Variants in LDHC observed in about 807,000 individuals in gnomAD.
LDHC encodes lactate dehydrogenase C.
In LDHC, 20 loss-of-function variants were observed where a neutral mutation model predicts 30.2. The observed-to-expected ratio is 0.66, with a 90% confidence interval of 0.47 to 0.96. The LOEUF (loss-of-function observed/expected upper bound fraction) is 0.96, where lower values mean the gene tolerates loss of function less well. Among genes scored for constraint, LDHC ranks in the 40% least tolerant of loss-of-function variants. The pLI is 0.00. For missense variants in LDHC, 362 were observed against 394.9 expected (o/e 0.92, Z 0.71); for synonymous variants, 139 against 132.7 (o/e 1.05, Z -0.32).
intron 2 of LDHC, among the ~76,000 whole-genome samples, chr11:18,413,271 T>TG (rs919912225): frequency 6.6e-6 from 1 of 151,164 alleles, no homozygotes; most frequent in African/African-American, 2.4e-5. Flanking sequence ...TTAGTAGAGA[T>TG]GGGGTTTCTC....
intron 3 of LDHC, among the ~76,000 whole-genome samples, chr11:18,423,390 G>A (rs919021006): frequency 1.3e-5 from 2 of 152,156 alleles, no homozygotes; most frequent in African/African-American, 4.8e-5. Context: ...CACTAATTAT[G>A]TGCAGAGACT....
At position 18,446,297 on chromosome 11, in the gene LDHC, T is replaced by A. The variant is rs745865996; in HGVS notation, c.798T>A (p.Asn266Lys). 4 of 1,608,340 alleles carry A rather than the reference T, an allele frequency of 2.5e-6. No individual in the cohort carries two copies. The East Asian group carries it at 6.7e-5, about 27-fold the overall frequency. Residue 266 changes from asparagine to lysine, a missense_variant, in exon 7 of 8, where the codon AAT becomes AAA. Coordinates refer to ENST00000541669, the MANE Select transcript of LDHC (RefSeq NM_017448.5). ...VMDLVGSILK[N>K]LRRVHPVSTM... The stretch of plus-strand genomic sequence containing the variant: ...ATTTGGTAGGATCCATTTTGAAAAA[T>A]CTTAGGAGAGTGCACCCAGTTTCCA...
intron 4 of LDHC, 106 bp from the exon 5 acceptor site, chr11:18,434,634 A>G (rs2721126): frequency 0.89 from 599,514 of 673,696 alleles, 267,036 homozygotes; most frequent in East Asian, 0.95. Flanking sequence ...TCACTTTGTA[A>G]TAAATCTGTA....
intron 4 of LDHC, among the ~76,000 whole-genome samples, chr11:18,432,103 G>T (rs541953799): frequency 6.6e-6 from 1 of 152,180 alleles, no homozygotes; most frequent in South Asian, 2.1e-4. Flanking sequence ...GGCATTTAGG[G>T]CTATGAACTT....
chr11:18,444,645 T>TATATATATATATATAC (rs1848523907), intron 6 of LDHC, among the ~76,000 whole-genome samples: 1 of 120,542 alleles, frequency 8.3e-6, no homozygotes, highest in African/African-American at 3.1e-5. Flanking sequence ...TATATATATA[T>TATATATATATATATAC]ATATGCCTTA....
intron 6 of LDHC, among the ~76,000 whole-genome samples, chr11:18,444,610 A>G (rs1257266072): frequency 2.2e-4 from 6 of 27,786 alleles, no homozygotes; most frequent in African/African-American, 1.5e-3. Flanking sequence ...GGTGGTATAT[A>G]TATATATATA....
At chr11:18,443,460 CTTTTT>C (rs34546967) in intron 6 of LDHC, among the ~76,000 whole-genome samples, 9 of 135,754 alleles carry the variant, frequency 6.6e-5, no homozygotes, top group Non-Finnish European at 1.1e-4. Context: ...TTCTTTCTTT[CTTTTT>C]TTTTTTTTTT....
intron 3 of LDHC, among the ~76,000 whole-genome samples, chr11:18,418,239 C>T (rs931436418): frequency 3.4e-5 from 5 of 147,532 alleles, no homozygotes; most frequent in African/African-American, 1.3e-4. Flanking sequence ...ATAATAAATA[C>T]ATAATTATAT....
intron 4 of LDHC, among the ~76,000 whole-genome samples, chr11:18,432,495 G>A (rs1483029527): frequency 2.0e-5 from 3 of 152,202 alleles, no homozygotes; most frequent in African/African-American, 7.2e-5. Context: ...CCAAGGTATA[G>A]TTTAAATTCA....
At chr11:18,414,886 T>C (rs942118115) in intron 2 of LDHC, among the ~76,000 whole-genome samples, 1 of 151,824 alleles carries the variant, frequency 6.6e-6, no homozygotes, top group African/African-American at 2.4e-5. Context: ...GCCTTTGAAA[T>C]CATTTTATTT....
At chr11:18,414,036 G>A (rs750047622) in intron 2 of LDHC, among the ~76,000 whole-genome samples, 1 of 152,022 alleles carries the variant, frequency 6.6e-6, no homozygotes, top group Non-Finnish European at 1.5e-5. Flanking sequence ...GGCTTAATTC[G>A]TAGAGCCTTT....
chr11:18,436,100 A>G (rs1848349329), intron 5 of LDHC, among the ~76,000 whole-genome samples: 1 of 152,182 alleles, frequency 6.6e-6, no homozygotes, highest in Non-Finnish European at 1.5e-5. Flanking sequence ...TAATATAACA[A>G]ATACTTTATT....
At chr11:18,442,031 G>GGAAAGC (rs1408122657) in intron 6 of LDHC, among the ~76,000 whole-genome samples, 3 of 152,126 alleles carry the variant, frequency 2.0e-5, no homozygotes, top group Non-Finnish European at 4.4e-5. Flanking sequence ...CCCCAGCACA[G>GGAAAGC]GAAAGCGGCT....
At chr11:18,441,767 C>A (rs1406932772) in intron 6 of LDHC, among the ~76,000 whole-genome samples, 2 of 151,996 alleles carry the variant, frequency 1.3e-5, no homozygotes, top group African/African-American at 4.8e-5. Flanking sequence ...CAAAAATTAG[C>A]TGGGCTTGGT....
intron 7 of LDHC, chr11:18,450,686 G>A (rs1034740176): frequency 8.2e-5 from 22 of 268,152 alleles, no homozygotes; most frequent in South Asian, 1.6e-4. Flanking sequence ...ATCCTTTCCC[G>A]TGGACCAAAA....
chr11:18,435,623 T>A (rs1848343658), intron 5 of LDHC, among the ~76,000 whole-genome samples: 1 of 152,178 alleles, frequency 6.6e-6, no homozygotes, highest in Non-Finnish European at 1.5e-5. Flanking sequence ...GAGAATGGAC[T>A]AATACAATTC....
Position 18,443,449 on chromosome 11 carries a change from TTTC to T in LDHC, c.711-2758_711-2756del, listed in dbSNP as rs1246180660. ...ACCACAGAGAATGGTAGTTCTTTCTTTTCTTTCTTTCTTTTTTTTTTTTTTTTT... is the reference window on the plus strand; with the variant it reads ...ACCACAGAGAATGGTAGTTCTTTCTTTTTCTTTCTTTTTTTTTTTTTTTTT... On this transcript the variant is annotated intron_variant, in intron 6 of 7. Transcript: ENST00000541669. 2.4e-4 allele frequency among the ~76,000 whole-genome samples: 33 copies of T among 135,128 alleles called. 1 individual carries two copies. The highest frequency in any genetic ancestry group is 1.8e-3 in the Admixed American group (24 of 13,538). 88.6% of individuals were successfully genotyped at this position (135,128 alleles called of 152,430 possible).
intron 3 of LDHC, among the ~76,000 whole-genome samples, chr11:18,418,914 T>G (rs1471752408): frequency 6.6e-6 from 1 of 152,238 alleles, no homozygotes; most frequent in Non-Finnish European, 1.5e-5. Flanking sequence ...AGGTACTGAA[T>G]GAAGTGAGAA....
At chr11:18,415,416 T>C in intron 3 of LDHC, 115 bp downstream of exon 3, 1 of 591,014 alleles carries the variant, frequency 1.7e-6, no homozygotes, top group African/African-American at 1.9e-5. Flanking sequence ...TTGGGCCATA[T>C]AATTTAATTT....
Sources: gnomAD v4.1 joint callset for allele counts (sites outside exome capture counted in the v4.1 genomes callset) on GRCh38, gnomAD v4.1.1 for gene constraint, MANE v1.5 for transcripts, NCBI Gene and HGNC (gene_info 2026-07-23, HGNC 2026-07-21) for gene names.